The following COL23A1 variants were observed in gnomAD, a reference collection of about 807,000 sequenced individuals.
COL23A1 encodes collagen alpha-1(XXIII) chain.
COL23A1 carries 97 observed loss-of-function variants against 99.3 expected under a neutral mutation model. The ratio of observed to expected loss-of-function variants is 0.98; its 90% confidence interval spans 0.83 to 1.16. COL23A1 has a LOEUF of 1.16. COL23A1 is among the 50% of genes most tolerant of loss of function. The pLI is 0.00. For missense variants in COL23A1, 762 were observed against 757.4 expected (o/e 1.01, Z -0.07); for synonymous variants, 320 against 308.2 (o/e 1.04, Z -0.40).
chr5:178,559,555 G>A (rs1196772886), intron 2 of COL23A1, among the ~76,000 whole-genome samples: 7 of 136,656 alleles, frequency 5.1e-5, no homozygotes, highest in African/African-American at 2.1e-4. Flanking sequence ...CCTGCACGTC[G>A]AGAAGTCTGA....
chr5:178,371,144 C>A (rs992491836), intron 2 of COL23A1, among the ~76,000 whole-genome samples: 1 of 152,176 alleles, frequency 6.6e-6, no homozygotes, highest in Non-Finnish European at 1.5e-5. Flanking sequence ...ACCATATAGA[C>A]AATGTTTGTC....
chr5:178,245,098 T>C (rs912027351), intron 25 of COL23A1, among the ~76,000 whole-genome samples: 21 of 145,124 alleles, frequency 1.4e-4, no homozygotes, highest in Non-Finnish European at 3.1e-4. Context: ...CATCCGTCCA[T>C]CCATCCCTCC....
At chr5:178,480,457 C>T (rs528569161) in intron 2 of COL23A1, among the ~76,000 whole-genome samples, 85 of 152,348 alleles carry the variant, frequency 5.6e-4, no homozygotes, top group African/African-American at 1.8e-3. Context: ...GAACCTGGTG[C>T]ACCTCCCACC....
intron 2 of COL23A1, among the ~76,000 whole-genome samples, chr5:178,409,011 C>CACACAG (rs1554161430): frequency 6.9e-4 from 100 of 145,190 alleles, no homozygotes; most frequent in African/African-American, 2.6e-3. Context: ...CACACACACA[C>CACACAG]ACACACACAC....
chr5:178,407,661 T>G (rs1000765181), intron 2 of COL23A1, among the ~76,000 whole-genome samples: 1 of 152,130 alleles, frequency 6.6e-6, no homozygotes, highest in Non-Finnish European at 1.5e-5. Flanking sequence ...CTGGAAATGT[T>G]AGAAGTGAAA....
chr5:178,513,580 G>A (rs1287273118), intron 2 of COL23A1, among the ~76,000 whole-genome samples: 2 of 152,164 alleles, frequency 1.3e-5, no homozygotes, highest in South Asian at 2.1e-4. Flanking sequence ...CATCTGGGTG[G>A]TTAGCAAAAG....
chr5:178,399,855 CAGTT>C (rs1023256716), intron 2 of COL23A1, among the ~76,000 whole-genome samples: 6 of 152,194 alleles, frequency 3.9e-5, no homozygotes, highest in Non-Finnish European at 7.3e-5. Context: ...ATTGTTCTCT[CAGTT>C]AGAATAACGA....
At position 178,262,087 on chromosome 5, in the gene COL23A1, T is replaced by G; in HGVS notation, c.675+130A>C. On this transcript the variant is annotated intron_variant, in intron 10 of 28. Transcript: ENST00000390654. ...GTCCACACACATGCAGACACGTACA[T>G]GCAGAGGCGCGCGCACACACATAAA... 5.9e-6 allele frequency: 6 copies of G among 1,012,334 alleles called. No homozygotes were observed. In the Admixed American group the frequency reaches 1.3e-4, roughly 22 times the overall value. The allele number at this position is 1,012,334 out of a possible 1,614,324, so 62.7% of individuals were successfully genotyped here. A position where few individuals can be genotyped will look rare whatever the true frequency, so the allele number is the denominator to read the frequency against.
At chr5:178,576,423 C>T (rs373424761) in intron 1 of COL23A1, among the ~76,000 whole-genome samples, 3 of 152,164 alleles carry the variant, frequency 2.0e-5, no homozygotes, top group African/African-American at 7.2e-5. Context: ...TTAGTAGAGA[C>T]GGGGTTTCGC....
chr5:178,411,760 C>T (rs553359950), intron 2 of COL23A1, among the ~76,000 whole-genome samples: 2 of 152,310 alleles, frequency 1.3e-5, no homozygotes, highest in South Asian at 4.1e-4. Context: ...GAGTTGTTCA[C>T]TTAATTTTGT....
chr5:178,397,256 G>C (rs900333319), intron 2 of COL23A1, among the ~76,000 whole-genome samples: 1 of 152,240 alleles, frequency 6.6e-6, no homozygotes, highest in East Asian at 1.9e-4. Flanking sequence ...CGGGGGCAGA[G>C]CTGAGGGGGA....
chr5:178,531,052 GAC>G (rs1760620033), intron 2 of COL23A1, among the ~76,000 whole-genome samples: 2 of 152,106 alleles, frequency 1.3e-5, no homozygotes, highest in South Asian at 4.1e-4. Flanking sequence ...TTTTTTAGTA[GAC>G]ACGGGGTTTT....
rs1055900038 is a variant in COL23A1, at chr5:178,310,018, A to T, written c.362-3099T>A. Among the ~76,000 whole-genome samples the T allele has an allele frequency of 8.5e-5, 13 of 152,204 alleles. No individual in the cohort carries two copies. The highest frequency in any genetic ancestry group is 3.1e-4 in the African/African-American group (13 of 41,452). On this transcript the variant is annotated intron_variant, in intron 2 of 28. Coordinates refer to ENST00000390654, the MANE Select transcript of COL23A1 (RefSeq NM_173465.4). This position sits in a 1 kb window ranked among gnomAD's most constrained non-coding sequence, Gnocchi z 4.3. ...CCTCACTGCTTCTGGGATTCTCCTG[A>T]AAAGACTGCAAGTCCAGCAAGCTCC...
intron 2 of COL23A1, among the ~76,000 whole-genome samples, chr5:178,559,818 T>A (rs111601338): frequency 3.7e-5 from 4 of 107,152 alleles, no homozygotes; most frequent in South Asian, 3.1e-4. Flanking sequence ...CACCCAAAAG[T>A]CACCTTTCCC....
intron 22 of COL23A1, 97 bp downstream of exon 22, chr5:178,247,429 C>G: frequency 7.2e-7 from 1 of 1,380,482 alleles, no homozygotes; most frequent in South Asian, 1.2e-5. Flanking sequence ...TGGGCCAGGG[C>G]GGAGCGTCAG....
chr5:178,517,568 G>GTTTT (rs70997606), intron 2 of COL23A1, among the ~76,000 whole-genome samples: 10 of 108,232 alleles, frequency 9.2e-5, no homozygotes, highest in South Asian at 3.1e-4. Context: ...TTTTTTTTTT[G>GTTTT]TTTTTTTTTT....
At chr5:178,292,599 G>A (rs1262287399) in intron 3 of COL23A1, among the ~76,000 whole-genome samples, 1 of 152,210 alleles carries the variant, frequency 6.6e-6, no homozygotes, top group African/African-American at 2.4e-5. Flanking sequence ...ATCCCCGTGT[G>A]GGGTAGCAGG....
At chr5:178,532,746 T>C (rs772658459) in intron 2 of COL23A1, among the ~76,000 whole-genome samples, 1 of 152,122 alleles carries the variant, frequency 6.6e-6, no homozygotes, top group African/African-American at 2.4e-5. Flanking sequence ...TAGGCATACA[T>C]GCAATGATGA....
intron 2 of COL23A1, among the ~76,000 whole-genome samples, chr5:178,337,961 T>C (rs1407155876): frequency 6.6e-6 from 1 of 152,144 alleles, no homozygotes; most frequent in Non-Finnish European, 1.5e-5. Flanking sequence ...CCAGGCACTG[T>C]GTTTTGCGTG....
Sources: allele counts gnomAD v4.1 joint callset (sites outside exome capture counted in the v4.1 genomes callset), GRCh38; gene constraint gnomAD v4.1.1; non-coding constraint Gnocchi (gnomAD v3.1); transcripts MANE v1.5; gene names NCBI Gene and HGNC (gene_info 2026-07-23, HGNC 2026-07-21).